RAB3B: variants seen among roughly 807,000 people sequenced by gnomAD.
RAB3B encodes RAB3B, member RAS oncogene family.
In RAB3B, 11 loss-of-function variants were observed where a neutral mutation model predicts 20.5. The observed-to-expected ratio is 0.54, with a 90% CI of 0.34 to 0.89. The LOEUF (loss-of-function observed/expected upper bound fraction) is 0.89, where lower values mean the gene tolerates loss of function less well. Among genes scored for constraint, RAB3B ranks in the 40% least tolerant of loss-of-function variants. The probability of loss-of-function intolerance (pLI) is 0.02; values close to 1 mark genes in which losing one functional copy is unlikely to be tolerated. For synonymous variants in RAB3B, 99 were observed against 106.3 expected, an observed-to-expected ratio of 0.93 and a Z score of 0.42; for missense variants, 225 against 280.9, an observed-to-expected ratio of 0.80 and a Z score of 1.42.
chr1:51,954,730 C>T (rs1684683915), intron 2 of RAB3B, among the ~76,000 whole-genome samples: 1 of 152,132 alleles, frequency 6.6e-6, no homozygotes, highest in Non-Finnish European at 1.5e-5. Flanking sequence ...GCAAGCAGTT[C>T]CATTTTCAAT....
intron 4 of RAB3B, among the ~76,000 whole-genome samples, 163 bp from the exon 5 acceptor site, chr1:51,920,277 C>T (rs1684154926): frequency 6.6e-6 from 1 of 152,190 alleles, no homozygotes; most frequent in South Asian, 2.1e-4. Context: ...GGAGACGGTA[C>T]AGGGCAGGAG....
intron 2 of RAB3B, among the ~76,000 whole-genome samples, chr1:51,948,368 A>G (rs1347423299): frequency 1.3e-5 from 2 of 152,248 alleles, no homozygotes; most frequent in Non-Finnish European, 2.9e-5. Context: ...ACTTGAAACC[A>G]GGTGAAGGAA....
chr1:51,986,146 A>ATTT (rs11308826), intron 1 of RAB3B, among the ~76,000 whole-genome samples: 2 of 89,308 alleles, frequency 2.2e-5, no homozygotes, highest in Admixed American at 1.3e-4. Context: ...ATTTCTACGA[A>ATTT]TTTTTTTTTT....
At chr1:51,986,372 G>A (rs925385395) in intron 1 of RAB3B, among the ~76,000 whole-genome samples, 6 of 151,844 alleles carry the variant, frequency 4.0e-5, no homozygotes, top group African/African-American at 1.5e-4. Context: ...GGATGGTCTC[G>A]GTCTCCTGAC....
At chr1:51,961,156 T>A (rs886747030) in intron 2 of RAB3B, among the ~76,000 whole-genome samples, 3 of 152,104 alleles carry the variant, frequency 2.0e-5, no homozygotes, top group African/African-American at 7.2e-5. Context: ...ATGCAGCAGC[T>A]TCTTCAGAGA....
rs1319354189 is a variant in RAB3B at position 51,910,427 on chromosome 1, A to G, written c.*9500T>C. The G allele has an allele frequency of 1.3e-5, 2 of 152,186 alleles. No individual in the cohort carries two copies. Among genetic ancestry groups the G allele is most frequent in the African/African-American group, 4.8e-5 (2 of 41,448 alleles). The allele number at this position is 152,186 out of a possible 1,614,324, so 9.4% of individuals were successfully genotyped here. A position where few individuals can be genotyped will look rare whatever the true frequency, so the allele number is the denominator to read the frequency against. On this transcript the variant is annotated 3_prime_UTR_variant, in exon 5 of 5. Transcript: ENST00000371655. ...CTGTGCTCTATTCTCAACAAGTGTC[A>G]GAGATTCTTGTTTCTCTTCCTCTTG...
intron 2 of RAB3B, among the ~76,000 whole-genome samples, chr1:51,951,583 G>A (rs940801494): frequency 1.3e-5 from 2 of 152,146 alleles, no homozygotes; most frequent in Admixed American, 6.5e-5. Context: ...CAGCTGAGGT[G>A]GGAGAATTGC....
intron 4 of RAB3B, among the ~76,000 whole-genome samples, chr1:51,931,312 T>C (rs572859392): frequency 6.6e-6 from 1 of 152,288 alleles, no homozygotes; most frequent in South Asian, 2.1e-4. Flanking sequence ...TTGGGCATCA[T>C]GTTCTCTGAT....
At chr1:51,930,796 A>T (rs577481926) in intron 4 of RAB3B, among the ~76,000 whole-genome samples, 2 of 152,262 alleles carry the variant, frequency 1.3e-5, no homozygotes, top group African/African-American at 4.8e-5. Context: ...TGGGCAGATC[A>T]CCTGAGGTCA....
intron 3 of RAB3B, among the ~76,000 whole-genome samples, chr1:51,936,261 C>T (rs1684402267): frequency 6.6e-6 from 1 of 152,180 alleles, no homozygotes; most frequent in Non-Finnish European, 1.5e-5. Context: ...TCCTTCCCCT[C>T]AGGCTCCCTT....
At chr1:51,960,820 A>G (rs1350820468) in intron 2 of RAB3B, among the ~76,000 whole-genome samples, 1 of 152,188 alleles carries the variant, frequency 6.6e-6, no homozygotes, top group Admixed American at 6.5e-5. Flanking sequence ...AAGTGGTGGT[A>G]ACCCTAAGAT....
chr1:51,977,017 C>G lies in RAB3B; in HGVS notation c.101G>C (p.Gly34Ala). ...KLLIIGNSSV[G>A]KTSFLFRYAD... ...ATAGCGGAAGAGGAAGGAGGTCTTGCCAACACTGCTGTTGCCAATGATAAG... is the reference window on the plus strand; with the variant it reads ...ATAGCGGAAGAGGAAGGAGGTCTTGGCAACACTGCTGTTGCCAATGATAAG... Residue 34 changes from glycine to alanine, a missense_variant, in exon 2 of 5, where the codon GGC (glycine) becomes GCC (alanine). By Grantham distance (60) the Gly-to-Ala change is moderately conservative. Transcript: ENST00000371655. The G allele has an allele frequency of 6.2e-7, 1 of 1,614,208 alleles. No homozygotes were observed. The highest frequency in any genetic ancestry group is 8.5e-7 in the Non-Finnish European group (1 of 1,180,018).
chr1:51,932,084 T>C lies in RAB3B; in HGVS notation c.472+1234A>G, dbSNP rs150527207. 2.2e-3 allele frequency among the ~76,000 whole-genome samples: 340 copies of C among 152,212 alleles called. 1 individual carries two copies. Among genetic ancestry groups the C allele is most frequent in the African/African-American group, 7.5e-3 (310 of 41,528 alleles). On this transcript the variant is annotated intron_variant, in intron 4 of 4. Coordinates refer to ENST00000371655, the MANE Select transcript of RAB3B (RefSeq NM_002867.4). Reference sequence around the variant, plus strand: ...AACCTCCCTGTTTATTAAGCACTTATAGTTTGCTACAGTTTACAGGACACC... The same window carrying C: ...AACCTCCCTGTTTATTAAGCACTTACAGTTTGCTACAGTTTACAGGACACC...
At chr1:51,977,881 G>C (rs1332588895) in intron 1 of RAB3B, among the ~76,000 whole-genome samples, 1 of 152,114 alleles carries the variant, frequency 6.6e-6, no homozygotes, top group East Asian at 1.9e-4. Flanking sequence ...TGTTCAATTT[G>C]ACAAATAACC....
rs1684015026 is a variant in RAB3B at position 51,912,542 on chromosome 1, T to TTAAAAAAAAAAAAA, written c.*7384_*7385insTTTTTTTTTTTTTA. The TTAAAAAAAAAAAAA allele has an allele frequency of 3.1e-4, 2 of 6,388 alleles. No individual in the cohort carries two copies. Among genetic ancestry groups the TTAAAAAAAAAAAAA allele is most frequent in the Admixed American group, 3.6e-3 (1 of 276 alleles). The allele number at this position is 6,388 out of a possible 1,614,324, so 0.4% of individuals were successfully genotyped here. A position where few individuals can be genotyped will look rare whatever the true frequency, so the allele number is the denominator to read the frequency against. ...GGCAACATAGCAAGACCGTCTCTAT[T>TTAAAAAAAAAAAAA]AAAAAAAAAAAAATATATATATATA... On this transcript the variant is annotated 3_prime_UTR_variant, in exon 5 of 5. Coordinates refer to ENST00000371655, the MANE Select transcript of RAB3B (RefSeq NM_002867.4).
At chr1:51,984,494 G>A (rs887055675) in intron 1 of RAB3B, among the ~76,000 whole-genome samples, 1 of 147,904 alleles carries the variant, frequency 6.8e-6, no homozygotes, top group African/African-American at 2.5e-5. Context: ...GGGTTCAAGC[G>A]ATTCTCCTGC....
At chr1:51,982,477 G>A (rs964398083) in intron 1 of RAB3B, among the ~76,000 whole-genome samples, 6 of 152,154 alleles carry the variant, frequency 3.9e-5, no homozygotes, top group Non-Finnish European at 5.9e-5. Flanking sequence ...TCTATGGCTG[G>A]GCATGGTGGC....
intron 2 of RAB3B, among the ~76,000 whole-genome samples, chr1:51,960,094 G>C (rs984235785): frequency 6.6e-6 from 1 of 152,124 alleles, no homozygotes; most frequent in Non-Finnish European, 1.5e-5. Context: ...CTGAGGGCAG[G>C]GAGTGCCACC....
chr1:51,940,218 C>T (rs1684472103), intron 2 of RAB3B, among the ~76,000 whole-genome samples: 1 of 152,178 alleles, frequency 6.6e-6, no homozygotes. Flanking sequence ...AACCACCACC[C>T]CTGCCCTCAG....
Sources: allele counts gnomAD v4.1 joint callset (sites outside exome capture counted in the v4.1 genomes callset), GRCh38; gene constraint gnomAD v4.1.1; transcripts MANE v1.5; gene names NCBI Gene and HGNC (gene_info 2026-07-23, HGNC 2026-07-21).